The following IMMP2L variants were observed in gnomAD, a reference collection of about 807,000 sequenced individuals.
IMMP2L encodes inner mitochondrial membrane peptidase subunit 2.
In IMMP2L, 18 loss-of-function variants were observed where a neutral mutation model predicts 19.3. The observed-to-expected ratio is 0.93, with a 90% CI of 0.64 to 1.38. IMMP2L has a LOEUF of 1.38. IMMP2L is among the 40% of genes most tolerant of loss of function. The pLI, the probability that IMMP2L is intolerant of heterozygous loss-of-function variation, is 0.00. For synonymous variants in IMMP2L, 76 were observed against 73.0 expected, an observed-to-expected ratio of 1.04 and a Z score of -0.21; for missense variants, 233 against 218.2, an observed-to-expected ratio of 1.07 and a Z score of -0.43.
chr7:111,466,009 G>T (rs567626233), intron 3 of IMMP2L, among the ~76,000 whole-genome samples: 11 of 152,162 alleles, frequency 7.2e-5, no homozygotes, highest in East Asian at 1.9e-4. Flanking sequence ...AAATGATGAG[G>T]TCATGTCCTT....
chr7:110,837,211 G>A (rs899851167), intron 5 of IMMP2L, among the ~76,000 whole-genome samples: 1 of 152,000 alleles, frequency 6.6e-6, no homozygotes, highest in Non-Finnish European at 1.5e-5. Context: ...TTGACATCAA[G>A]GCAATGTCTA....
rs187044733 is a variant in IMMP2L, at chr7:111,207,252, T to A, written c.240-243687A>T. On this transcript the variant is annotated intron_variant, in intron 3 of 5. Transcript: ENST00000405709. ...AAATAGGCTGTCTTGGTTAAGTAGCTCAGCCACTAATAATCTTTGTGCCTC... is the reference window on the plus strand; with the variant it reads ...AAATAGGCTGTCTTGGTTAAGTAGCACAGCCACTAATAATCTTTGTGCCTC... Among the ~76,000 whole-genome samples the A allele has an allele frequency of 2.0e-4, 31 of 152,276 alleles. 1 individual carries two copies. Among genetic ancestry groups the A allele is most frequent in the East Asian group, 1.9e-3 (10 of 5,184 alleles).
chr7:111,165,891 G>C (rs1219727794), intron 3 of IMMP2L, among the ~76,000 whole-genome samples: 1 of 151,976 alleles, frequency 6.6e-6, no homozygotes, highest in East Asian at 1.9e-4. Flanking sequence ...AATTAATATA[G>C]GTTTTGATTA....
chr7:111,039,775 A>C (rs1791711472), intron 3 of IMMP2L, among the ~76,000 whole-genome samples: 1 of 152,166 alleles, frequency 6.6e-6, no homozygotes, highest in Admixed American at 6.5e-5. Flanking sequence ...TGCAAATTTT[A>C]CCTAAGAAAT....
chr7:111,425,867 T>C (rs1184895179), intron 3 of IMMP2L, among the ~76,000 whole-genome samples: 1 of 151,226 alleles, frequency 6.6e-6, no homozygotes, highest in African/African-American at 2.4e-5. Flanking sequence ...ATAAAAATCT[T>C]GCTAAATTAA....
intron 4 of IMMP2L, among the ~76,000 whole-genome samples, chr7:110,956,020 T>C (rs1272496587): frequency 6.6e-6 from 1 of 151,982 alleles, no homozygotes; most frequent in African/African-American, 2.4e-5. Context: ...TAAAGATTCA[T>C]CGTTTGCTGG....
chr7:111,001,454 CA>C (rs1209997378), intron 3 of IMMP2L, among the ~76,000 whole-genome samples: 1 of 151,930 alleles, frequency 6.6e-6, no homozygotes, highest in Non-Finnish European at 1.5e-5. Flanking sequence ...AACGTTTGAA[CA>C]GATTAGTTTT....
chr7:110,836,959 C>G (rs1804545248), intron 5 of IMMP2L, among the ~76,000 whole-genome samples: 1 of 152,026 alleles, frequency 6.6e-6, no homozygotes, highest in Non-Finnish European at 1.5e-5. Context: ...ATGGCAAGGT[C>G]CATTACTATT....
intron 3 of IMMP2L, among the ~76,000 whole-genome samples, chr7:111,014,452 A>G (rs1825294746): frequency 6.6e-6 from 1 of 152,002 alleles, no homozygotes; most frequent in Non-Finnish European, 1.5e-5. Flanking sequence ...AATATAAATG[A>G]CTCCTGGATT....
At chr7:111,214,328 CTTCTTTTTTTT>C (rs1339813869) in intron 3 of IMMP2L, among the ~76,000 whole-genome samples, 8 of 85,110 alleles carry the variant, frequency 9.4e-5, no homozygotes, top group Admixed American at 3.9e-4. Context: ...AGTAATTTTT[CTTCTTTTTTTT>C]TTTTTTTTTT....
intron 3 of IMMP2L, among the ~76,000 whole-genome samples, chr7:111,350,567 T>TG (rs1584753014): frequency 1.3e-5 from 2 of 152,046 alleles, no homozygotes; most frequent in African/African-American, 4.8e-5. Flanking sequence ...GCATTTTATA[T>TG]GATCATTCTT....
intron 5 of IMMP2L, among the ~76,000 whole-genome samples, chr7:110,834,250 C>T (rs1480706560): frequency 6.6e-6 from 1 of 152,138 alleles, no homozygotes; most frequent in African/African-American, 2.4e-5. Flanking sequence ...TGCTGGAGCA[C>T]ATTCAGTTTA....
At chr7:111,070,180 G>A (rs562138243) in intron 3 of IMMP2L, among the ~76,000 whole-genome samples, 2 of 152,218 alleles carry the variant, frequency 1.3e-5, no homozygotes, top group South Asian at 4.1e-4. Flanking sequence ...AAGAATCTTT[G>A]AATAATGAAA....
chr7:110,970,286 C>T (rs1268156182), intron 3 of IMMP2L, among the ~76,000 whole-genome samples: 1 of 152,094 alleles, frequency 6.6e-6, no homozygotes, highest in Non-Finnish European at 1.5e-5. Flanking sequence ...AGTTTGTTAA[C>T]TCAAGCATTT....
chr7:110,961,362 C>A (rs1818919323), intron 4 of IMMP2L, among the ~76,000 whole-genome samples: 1 of 151,316 alleles, frequency 6.6e-6, no homozygotes, highest in African/African-American at 2.4e-5. Context: ...ATTCCTAATA[C>A]AATATAAATG....
intron 5 of IMMP2L, among the ~76,000 whole-genome samples, chr7:110,761,014 G>C (rs1032967736): frequency 2.0e-5 from 3 of 152,128 alleles, no homozygotes; most frequent in Admixed American, 6.6e-5. Flanking sequence ...CAAATACAGG[G>C]CTTGCTGATG....
At chr7:111,551,497 T>TAG (rs1849454443) in intron 1 of IMMP2L, among the ~76,000 whole-genome samples, 1 of 36,620 alleles carries the variant, frequency 2.7e-5, no homozygotes, top group Admixed American at 2.7e-4. Flanking sequence ...CTGTTAGAGG[T>TAG]GTGTGTGTGT....
intron 4 of IMMP2L, among the ~76,000 whole-genome samples, chr7:110,893,467 G>T (rs1184262928): frequency 1.3e-5 from 2 of 152,068 alleles, no homozygotes; most frequent in African/African-American, 2.4e-5. Context: ...AAAGTAGTTT[G>T]TTACTTTTTT....
intron 3 of IMMP2L, among the ~76,000 whole-genome samples, chr7:110,980,224 C>CATCTTTTT (rs1349454037): frequency 1.6e-5 from 1 of 61,298 alleles, no homozygotes; most frequent in African/African-American, 6.3e-5. Flanking sequence ...ATTTGTGCTG[C>CATCTTTTT]TTCTTTTTTT....
Sources: gnomAD v4.1 joint callset for allele counts (sites outside exome capture counted in the v4.1 genomes callset) on GRCh38, gnomAD v4.1.1 for gene constraint, MANE v1.5 for transcripts, NCBI Gene and HGNC (gene_info 2026-07-23, HGNC 2026-07-21) for gene names.